The following FHIT variants were observed in gnomAD, a reference collection of about 807,000 sequenced individuals.
FHIT encodes the protein fragile histidine triad diadenosine triphosphatase.
FHIT carries 19 observed loss-of-function variants against 17.9 expected under a neutral mutation model. The ratio of observed to expected loss-of-function variants is 1.06; its 90% confidence interval spans 0.74 to 1.56. The LOEUF is 1.56. Among genes scored for constraint, FHIT ranks in the 40% most tolerant of loss-of-function variants. The pLI, the probability that FHIT is intolerant of heterozygous loss-of-function variation, is 0.00. For synonymous variants in FHIT, 81 were observed against 69.7 expected (o/e 1.16, Z -0.81); for missense variants, 248 against 189.2 (o/e 1.31, Z -1.82).
chr3:60,826,105 T>C (rs1365764263), intron 3 of FHIT, among the ~76,000 whole-genome samples: 5 of 151,336 alleles, frequency 3.3e-5, no homozygotes, highest in Non-Finnish European at 7.4e-5. Context: ...TGCTTTTTTG[T>C]TTTCTGCGAG....
At chr3:60,506,036 C>T (rs1195168791) in intron 5 of FHIT, among the ~76,000 whole-genome samples, 2 of 152,028 alleles carry the variant, frequency 1.3e-5, no homozygotes, top group Non-Finnish European at 2.9e-5. Context: ...TAAATATGAC[C>T]AACTTTATCA....
At chr3:60,223,697 G>A (rs1239914737) in intron 5 of FHIT, among the ~76,000 whole-genome samples, 1 of 152,066 alleles carries the variant, frequency 6.6e-6, no homozygotes, top group Non-Finnish European at 1.5e-5. Flanking sequence ...AAAGCCCCCT[G>A]CCAAGTCTTC....
At chr3:60,658,717 T>C (rs2040172370) in intron 4 of FHIT, among the ~76,000 whole-genome samples, 1 of 152,108 alleles carries the variant, frequency 6.6e-6, no homozygotes, top group African/African-American at 2.4e-5. Flanking sequence ...AAAGTTACAA[T>C]AATACTAGCT....
At chr3:60,135,970 T>C (rs1352511801) in intron 5 of FHIT, among the ~76,000 whole-genome samples, 1 of 152,176 alleles carries the variant, frequency 6.6e-6, no homozygotes, top group Admixed American at 6.5e-5. Context: ...TGTGTTTTTA[T>C]AAAACGTCTC....
chr3:60,755,110 C>G (rs562215728), intron 4 of FHIT, among the ~76,000 whole-genome samples: 13 of 152,298 alleles, frequency 8.5e-5, no homozygotes, highest in Non-Finnish European at 1.0e-4. Flanking sequence ...GTATATAAAT[C>G]CTACCAATAC....
chr3:60,289,836 G>T (rs917062214), intron 5 of FHIT, among the ~76,000 whole-genome samples: 1 of 149,626 alleles, frequency 6.7e-6, no homozygotes, highest in African/African-American at 2.5e-5. Context: ...GAACCATTCA[G>T]CAGATATACA....
At chr3:60,155,173 CAAAAA>C (rs10552580) in intron 5 of FHIT, among the ~76,000 whole-genome samples, 4 of 127,130 alleles carry the variant, frequency 3.1e-5, no homozygotes, top group Admixed American at 8.0e-5. Flanking sequence ...GTGACAGAGT[CAAAAA>C]AAAAAAAAAA....
intron 7 of FHIT, among the ~76,000 whole-genome samples, chr3:59,949,466 A>G (rs1707002959): frequency 6.6e-6 from 1 of 152,236 alleles, no homozygotes; most frequent in Non-Finnish European, 1.5e-5. Flanking sequence ...ATTTTCATTC[A>G]GTTACTATAA....
chr3:60,032,131 C>T (rs1701027404), intron 5 of FHIT, among the ~76,000 whole-genome samples: 1 of 152,148 alleles, frequency 6.6e-6, no homozygotes, highest in African/African-American at 2.4e-5. Flanking sequence ...CACTGTATCA[C>T]AAATTTGCTG....
At chr3:60,939,100 T>A (rs1310853711) in intron 3 of FHIT, among the ~76,000 whole-genome samples, 1 of 152,182 alleles carries the variant, frequency 6.6e-6, no homozygotes, top group Non-Finnish European at 1.5e-5. Context: ...TCCAATCTCA[T>A]ATACATACGC....
At chr3:59,987,845 G>C (rs79953152) in intron 7 of FHIT, among the ~76,000 whole-genome samples, 1 of 151,996 alleles carries the variant, frequency 6.6e-6, no homozygotes, top group African/African-American at 2.4e-5. Flanking sequence ...GGGTACTAGA[G>C]ATGTCTGCCC....
chr3:60,641,180 C>CA (rs1411595159), intron 4 of FHIT, among the ~76,000 whole-genome samples: 6 of 150,660 alleles, frequency 4.0e-5, no homozygotes, highest in South Asian at 2.1e-4. Flanking sequence ...AACTCTGTCT[C>CA]AAAAAAAAGA....
intron 2 of FHIT, among the ~76,000 whole-genome samples, chr3:61,192,521 G>T (rs73095093): frequency 6.6e-6 from 1 of 152,094 alleles, no homozygotes; most frequent in East Asian, 1.9e-4. Flanking sequence ...GACATCCCTG[G>T]GGCAGCAGGT....
chr3:60,894,759 A>G (rs1162006284), intron 3 of FHIT, among the ~76,000 whole-genome samples: 2 of 152,186 alleles, frequency 1.3e-5, no homozygotes, highest in African/African-American at 2.4e-5. Flanking sequence ...CAAGAATCAT[A>G]TCATGAACAT....
chr3:60,193,585 A>T (rs1702497303), intron 5 of FHIT, among the ~76,000 whole-genome samples: 1 of 152,192 alleles, frequency 6.6e-6, no homozygotes, highest in Non-Finnish European at 1.5e-5. Flanking sequence ...AAATATGCAT[A>T]CCTATAACCA....
At chr3:60,409,041 G>C (rs1003107047) in intron 5 of FHIT, among the ~76,000 whole-genome samples, 2 of 152,090 alleles carry the variant, frequency 1.3e-5, no homozygotes, top group Admixed American at 1.3e-4. Flanking sequence ...GGTGACTCCT[G>C]CAAGTTCCTT....
intron 4 of FHIT, among the ~76,000 whole-genome samples, chr3:60,551,140 TG>T (rs2036532490): frequency 6.6e-6 from 1 of 151,810 alleles, no homozygotes; most frequent in Non-Finnish European, 1.5e-5. Context: ...AAGAAGAGTG[TG>T]GGGTGGAGCC....
chr3:60,719,843 C>T (rs1239465710), intron 4 of FHIT, among the ~76,000 whole-genome samples: 3 of 152,176 alleles, frequency 2.0e-5, no homozygotes, highest in African/African-American at 7.2e-5. Context: ...AATATCCTTA[C>T]CTGTCTCTTT....
At chr3:60,350,094 C>T (rs1711010605) in intron 5 of FHIT, among the ~76,000 whole-genome samples, 1 of 152,104 alleles carries the variant, frequency 6.6e-6, no homozygotes, top group Non-Finnish European at 1.5e-5. Flanking sequence ...ATAAAATTAA[C>T]AGATTATTAC....
Sources: gnomAD v4.1 joint callset for allele counts (sites outside exome capture counted in the v4.1 genomes callset) on GRCh38, gnomAD v4.1.1 for gene constraint, MANE v1.5 for transcripts, NCBI Gene and HGNC (gene_info 2026-07-23, HGNC 2026-07-21) for gene names.